ZCWPW2: variants seen among roughly 807,000 people sequenced by gnomAD.
The protein encoded by ZCWPW2 is zinc finger CW-type PWWP domain protein 2.
A neutral mutation model predicts 46.6 loss-of-function variants in ZCWPW2; 45 were observed. The ratio of observed to expected loss-of-function variants is 0.96; its 90% CI spans 0.76 to 1.24. The LOEUF (loss-of-function observed/expected upper bound fraction) is 1.24, where lower values mean the gene tolerates loss of function less well. Among genes scored for constraint, ZCWPW2 ranks in the 50% most tolerant of loss-of-function variants. The pLI is 0.00. For missense variants in ZCWPW2, 429 were observed against 403.9 expected, an observed-to-expected ratio of 1.06 and a Z score of -0.53; for synonymous variants, 152 against 137.1, an observed-to-expected ratio of 1.11 and a Z score of -0.76.
At chr3:28,354,312 T>A (rs187558766) in intron 1 of ZCWPW2, among the ~76,000 whole-genome samples, 1 of 149,846 alleles carries the variant, frequency 6.7e-6, no homozygotes, top group East Asian at 1.9e-4. Flanking sequence ...CAGGAAGAAG[T>A]TGAATCCCTG....
chr3:28,421,629 T>C (rs1447017441), intron 3 of ZCWPW2, among the ~76,000 whole-genome samples: 1 of 152,016 alleles, frequency 6.6e-6, no homozygotes, highest in African/African-American at 2.4e-5. Flanking sequence ...AGTACCCAGC[T>C]GAGGAATATA....
rs964413656 is a variant in ZCWPW2 at position 28,349,198 on chromosome 3, A to G, written c.-139A>G. ...ACGCCAGGAGGCGGAGGCGGAGTGG[A>G]GTTAGGTAAGAGCGTTACCAGCCGT... On this transcript the variant is annotated 5_prime_UTR_variant, in exon 1 of 10. Transcript: ENST00000383768. The G allele has an allele frequency of 2.0e-6, 2 of 985,358 alleles. No individual in the cohort carries two copies. Among genetic ancestry groups the G allele is most frequent in the African/African-American group, 3.5e-5 (2 of 57,214 alleles). 61.0% of individuals were successfully genotyped at this position (985,358 alleles called of 1,614,324 possible). A position where few individuals can be genotyped will look rare whatever the true frequency, so the allele number is the denominator to read the frequency against.
intron 1 of ZCWPW2, among the ~76,000 whole-genome samples, chr3:28,385,893 T>C (rs1419453637): frequency 6.6e-6 from 1 of 152,194 alleles, no homozygotes; most frequent in African/African-American, 2.4e-5. Flanking sequence ...AACCTTTTAT[T>C]TTCTTGTTTC....
At chr3:28,357,213 A>G (rs990430425) in intron 1 of ZCWPW2, among the ~76,000 whole-genome samples, 3 of 152,210 alleles carry the variant, frequency 2.0e-5, no homozygotes, top group Non-Finnish European at 4.4e-5. Flanking sequence ...ACGAATAAAT[A>G]ATAATGAAAG....
At chr3:28,359,020 CTG>C (rs1299375437) in intron 1 of ZCWPW2, among the ~76,000 whole-genome samples, 1 of 152,052 alleles carries the variant, frequency 6.6e-6, no homozygotes, top group Non-Finnish European at 1.5e-5. Context: ...AAATACTTAA[CTG>C]TACATTGAGA....
intron 6 of ZCWPW2, among the ~76,000 whole-genome samples, chr3:28,513,496 CT>C (rs1396305252): frequency 1.3e-5 from 2 of 152,018 alleles, no homozygotes; most frequent in African/African-American, 4.8e-5. Flanking sequence ...TTCCTATTTT[CT>C]TGTTATGGAC....
At chr3:28,445,304 A>G (rs898847632) in intron 4 of ZCWPW2, among the ~76,000 whole-genome samples, 2 of 151,968 alleles carry the variant, frequency 1.3e-5, no homozygotes, top group African/African-American at 4.8e-5. Context: ...ATAGCTCCAC[A>G]TTTTGTTTTC....
chr3:28,496,540 C>A (rs2125820760), intron 6 of ZCWPW2, among the ~76,000 whole-genome samples: 1 of 151,982 alleles, frequency 6.6e-6, no homozygotes, highest in South Asian at 2.1e-4. Flanking sequence ...TTCTTAGTTC[C>A]TATTAAAATA....
At chr3:28,513,043 T>A (rs1210547940) in intron 6 of ZCWPW2, among the ~76,000 whole-genome samples, 2 of 152,180 alleles carry the variant, frequency 1.3e-5, no homozygotes, top group African/African-American at 4.8e-5. Context: ...CCAGAAGTGT[T>A]CTCATGCCCT....
chr3:28,373,922 A>G (rs530428099), intron 1 of ZCWPW2, among the ~76,000 whole-genome samples: 40 of 152,248 alleles, frequency 2.6e-4, no homozygotes, highest in African/African-American at 9.6e-4. Context: ...GGATAGTTTG[A>G]AAATATTTTC....
At chr3:28,363,825 C>T (rs968413994) in intron 1 of ZCWPW2, among the ~76,000 whole-genome samples, 12 of 152,130 alleles carry the variant, frequency 7.9e-5, no homozygotes, top group African/African-American at 4.8e-5. Flanking sequence ...TTCTTGCTCA[C>T]AGTCCTCCCT....
chr3:28,382,162 C>CAA (rs1237903671), intron 1 of ZCWPW2, among the ~76,000 whole-genome samples: 3,121 of 81,230 alleles, frequency 0.038, 136 homozygotes, highest in African/African-American at 0.12. Context: ...AACTGCATCT[C>CAA]AAAAAAAAAA....
chr3:28,429,823 C>A (rs1369629765), intron 3 of ZCWPW2, among the ~76,000 whole-genome samples: 1 of 152,134 alleles, frequency 6.6e-6, no homozygotes, highest in Non-Finnish European at 1.5e-5. Context: ...GGTACAAGCC[C>A]CAAGCCTTGG....
chr3:28,429,715 C>T (rs565529188), intron 3 of ZCWPW2, among the ~76,000 whole-genome samples: 15 of 152,214 alleles, frequency 9.9e-5, no homozygotes, highest in African/African-American at 3.6e-4. Context: ...CGGGCCGGGC[C>T]CAGTGCCTTG....
intron 1 of ZCWPW2, among the ~76,000 whole-genome samples, chr3:28,369,954 G>A (rs1705263751): frequency 6.6e-6 from 1 of 152,198 alleles, no homozygotes; most frequent in Admixed American, 6.5e-5. Context: ...GACCCTCCGA[G>A]CCAGGCACAG....
rs1374324394 is a variant in ZCWPW2, at chr3:28,453,795, G to GTT, written c.492+18527_492+18528insTT. Reference sequence around the variant, plus strand: ...TATAATTGTGAAAGTTTATAATTGTGTATATTTATTTATTTATTTATTTAT... The same window carrying GTT: ...TATAATTGTGAAAGTTTATAATTGTGTTTATATTTATTTATTTATTTATTTAT... On this transcript the variant is annotated intron_variant, in intron 4 of 9. Transcript: ENST00000383768. Among the ~76,000 whole-genome samples the GTT allele has an allele frequency of 5.0e-4, 71 of 142,952 alleles. 1 individual carries two copies. The highest frequency in any genetic ancestry group is 1.4e-3 in the African/African-American group (52 of 36,024). 93.8% of individuals were successfully genotyped at this position (142,952 alleles called of 152,430 possible).
chr3:28,392,154 CAA>C (rs1376599484), intron 2 of ZCWPW2, among the ~76,000 whole-genome samples: 4 of 151,440 alleles, frequency 2.6e-5, no homozygotes, highest in Admixed American at 6.6e-5. Context: ...AAACAGAATC[CAA>C]AAGAGGCCAG....
chr3:28,395,572 A>C (rs1373437843), intron 2 of ZCWPW2, among the ~76,000 whole-genome samples: 1 of 152,168 alleles, frequency 6.6e-6, no homozygotes, highest in Non-Finnish European at 1.5e-5. Flanking sequence ...AATATTATTT[A>C]GCCTTAAAAA....
intron 5 of ZCWPW2, among the ~76,000 whole-genome samples, chr3:28,491,782 T>TG (rs1235290083): frequency 6.6e-6 from 1 of 152,082 alleles, no homozygotes; most frequent in Non-Finnish European, 1.5e-5. Flanking sequence ...TGGAGGCAGC[T>TG]GGGATTCAGT....
Sources: gnomAD v4.1 joint callset for allele counts (sites outside exome capture counted in the v4.1 genomes callset) on GRCh38, gnomAD v4.1.1 for gene constraint, MANE v1.5 for transcripts, NCBI Gene and HGNC (gene_info 2026-07-23, HGNC 2026-07-21) for gene names.